Variants in CYP2J2 observed in about 807,000 individuals in gnomAD.
The protein encoded by CYP2J2 is cytochrome P450 2J2.
CYP2J2 carries 41 observed loss-of-function variants against 48.8 expected under a neutral mutation model. That is an observed-to-expected ratio of 0.84 (90% confidence interval 0.66 to 1.09). The LOEUF is 1.09. Ranked by LOEUF, CYP2J2 falls within the 50% of genes least tolerant of loss-of-function variation. The pLI is 0.00. For synonymous variants in CYP2J2, 221 were observed against 227.1 expected, an observed-to-expected ratio of 0.97 and a Z score of 0.24; for missense variants, 644 against 617.3, an observed-to-expected ratio of 1.04 and a Z score of -0.46.
intron 1 of CYP2J2, among the ~76,000 whole-genome samples, chr1:59,917,566 T>G (rs148624461): frequency 1.3e-5 from 2 of 152,058 alleles, no homozygotes. Context: ...AGAACCTGAG[T>G]GACAGAGTTT....
intron 8 of CYP2J2, among the ~76,000 whole-genome samples, chr1:59,896,343 T>TATAC (rs1559071190): frequency 2.6e-5 from 4 of 151,424 alleles, no homozygotes; most frequent in African/African-American, 9.7e-5. Flanking sequence ...TATATATATA[T>TATAC]ACACCAAATA....
At position 59,926,587 on chromosome 1, in the gene CYP2J2, C is replaced by G. The variant is rs1458446922; in HGVS notation, c.160G>C (p.Gly54Arg). 1 of 1,614,196 alleles carries G rather than the reference C, an allele frequency of 6.2e-7. No homozygotes were observed. The highest frequency in any genetic ancestry group is 1.6e-4 in the Middle Eastern group (1 of 6,062). Residue 54 changes from glycine to arginine, a missense_variant, in exon 1 of 9, where the codon GGC (glycine) becomes CGC (arginine). Transcript: ENST00000371204. ...TCGAAGTCCACAAGGAAGAAGTTGC[C>G]AAGGAAGGGCAGGCGCCAGGGCCCC... ...PPGPWRLPFL[G>R]NFFLVDFEQS... is the part of the protein sequence containing the mutation.
the CYP2J2 span, among the ~76,000 whole-genome samples, chr1:59,957,679 CAG>C: frequency 0.036 from 4,731 of 131,956 alleles, 139 homozygotes; most frequent in African/African-American, 0.082. Flanking sequence ...CACAGACACA[CAG>C]ACACACACAC....
At chr1:59,955,179 A>C in the CYP2J2 span, among the ~76,000 whole-genome samples, 2 of 149,434 alleles carry the variant, frequency 1.3e-5, no homozygotes, top group Non-Finnish European at 3.0e-5. Flanking sequence ...ATAATTAAAA[A>C]AATAAAAAAT....
intron 1 of CYP2J2, 103 bp from the exon 2 acceptor site, chr1:59,916,203 G>T: frequency 1.1e-6 from 1 of 885,950 alleles, no homozygotes; most frequent in Non-Finnish European, 1.8e-6. Flanking sequence ...AGGAGTGCGT[G>T]TGTCTGTGTC....
intron 1 of CYP2J2, among the ~76,000 whole-genome samples, chr1:59,918,733 G>C (rs1181662957): frequency 6.6e-6 from 1 of 150,748 alleles, no homozygotes; most frequent in African/African-American, 2.4e-5. Context: ...CTTTTGAAAG[G>C]CAAAAACAGT....
chr1:59,916,173 C>T, intron 1 of CYP2J2, 73 bp from the exon 2 acceptor site: 1 of 1,323,992 alleles, frequency 7.6e-7, no homozygotes, highest in Non-Finnish European at 1.1e-6. Context: ...ATGTGTGTAG[C>T]TGGAGGGGAT....
chr1:59,915,736 C>A (rs1266393700), intron 2 of CYP2J2, among the ~76,000 whole-genome samples: 1 of 152,134 alleles, frequency 6.6e-6, no homozygotes, highest in Non-Finnish European at 1.5e-5. Flanking sequence ...TCCCAAATCC[C>A]AGTGAGGGAT....
chr1:59,919,568 T>A (rs1557428670), intron 1 of CYP2J2, among the ~76,000 whole-genome samples: 2 of 152,342 alleles, frequency 1.3e-5, no homozygotes, highest in Middle Eastern at 3.4e-3. Flanking sequence ...CAAAAAGCTT[T>A]TTTATCCAAT....
intron 1 of CYP2J2, among the ~76,000 whole-genome samples, chr1:59,925,231 A>G (rs1015051800): frequency 6.6e-6 from 1 of 152,176 alleles, no homozygotes; most frequent in African/African-American, 2.4e-5. Flanking sequence ...TCAGTAATTG[A>G]TAGAATAAGT....
chr1:59,951,036 C>T, the CYP2J2 span, among the ~76,000 whole-genome samples: 1 of 152,134 alleles, frequency 6.6e-6, no homozygotes, highest in Non-Finnish European at 1.5e-5. Context: ...GCTAGATTCC[C>T]CTCTTGAAGG....
intron 5 of CYP2J2, among the ~76,000 whole-genome samples, chr1:59,908,496 T>G (rs1197178620): frequency 6.6e-6 from 1 of 152,234 alleles, no homozygotes; most frequent in Non-Finnish European, 1.5e-5. Flanking sequence ...AATTTGAAAC[T>G]CACTGATTCT....
chr1:59,935,606 G>A, the CYP2J2 span, among the ~76,000 whole-genome samples: 1 of 152,010 alleles, frequency 6.6e-6, no homozygotes, highest in African/African-American at 2.4e-5. Flanking sequence ...AAGAGAAATA[G>A]TTATATATCT....
chr1:59,962,124 TATCTC>T, the CYP2J2 span, among the ~76,000 whole-genome samples: 1 of 152,162 alleles, frequency 6.6e-6, no homozygotes, highest in Admixed American at 6.5e-5. Flanking sequence ...GGTATGTAGA[TATCTC>T]AATAAAGCTG....
chr1:59,931,066 A>G (rs1015716865), upstream of CYP2J2, among the ~76,000 whole-genome samples: 2 of 152,174 alleles, frequency 1.3e-5, no homozygotes, highest in Admixed American at 6.5e-5. Context: ...ACAAACAGAA[A>G]GTTAACAACT....
At chr1:59,916,488 C>T (rs576022607) in intron 1 of CYP2J2, among the ~76,000 whole-genome samples, 4 of 152,302 alleles carry the variant, frequency 2.6e-5, no homozygotes, top group Admixed American at 1.3e-4. Flanking sequence ...AATCCCAACA[C>T]GTTGGGGGGC....
intron 2 of CYP2J2, among the ~76,000 whole-genome samples, chr1:59,914,602 A>G (rs995765868): frequency 1.3e-5 from 2 of 152,196 alleles, no homozygotes; most frequent in African/African-American, 4.8e-5. Flanking sequence ...GTTTACAAGC[A>G]GTATTCTTGG....
chr1:59,912,097 A>G, intron 3 of CYP2J2, 65 bp downstream of exon 3: 3 of 1,503,508 alleles, frequency 2.0e-6, no homozygotes, highest in Non-Finnish European at 2.7e-6. Flanking sequence ...TTACTCACTT[A>G]GTAAGTATCT....
the CYP2J2 span, among the ~76,000 whole-genome samples, chr1:59,956,085 T>C: frequency 6.6e-6 from 1 of 151,968 alleles, no homozygotes; most frequent in Non-Finnish European, 1.5e-5. Flanking sequence ...GGTACACACA[T>C]ATATAGGGAG....
Sources: gnomAD v4.1 joint callset for allele counts (sites outside exome capture counted in the v4.1 genomes callset) on GRCh38, gnomAD v4.1.1 for gene constraint, MANE v1.5 for transcripts, NCBI Gene and HGNC (gene_info 2026-07-23, HGNC 2026-07-21) for gene names.